The following COL15A1 variants were observed in gnomAD, a reference collection of about 807,000 sequenced individuals.
The protein encoded by COL15A1 is collagen type XV alpha 1 chain.
Under a neutral mutation model 165.9 loss-of-function variants are expected in COL15A1, and 111 were observed. That is an observed-to-expected ratio of 0.67 (90% confidence interval 0.57 to 0.78). COL15A1 has a LOEUF of 0.78. COL15A1 is among the 30% of genes least tolerant of loss of function. COL15A1 has a pLI of 0.00. For synonymous variants in COL15A1, 659 were observed against 674.8 expected (o/e 0.98, Z 0.36); for missense variants, 1,745 against 1,789.7 (o/e 0.98, Z 0.45).
intron 17 of COL15A1, 26 bp from the exon 18 acceptor site, chr9:99,034,988 T>C: frequency 6.2e-7 from 1 of 1,605,348 alleles, no homozygotes; most frequent in South Asian, 1.1e-5. Flanking sequence ...CAGGGCTAGA[T>C]AATCAGCCTG....
At position 99,035,046 on chromosome 9, in the gene COL15A1, C is replaced by A. The variant is rs1463076686; in HGVS notation, c.2112C>A (p.Pro704=). The change falls in exon 18 of 42, where the codon CCC becomes CCA. Residue 704 remains proline, a synonymous_variant. Coordinates refer to ENST00000375001, the MANE Select transcript of COL15A1 (RefSeq NM_001855.5). ...GDPGNRGLPG[P]PGKKGQAGPP... is the part of the protein sequence containing the mutation. ...CTGGCAACAGAGGCTTACCTGGACC[C>A]CCGGGGAAAAAGGGACAAGCTGGCC... The A allele has an allele frequency of 1.2e-6, 2 of 1,613,198 alleles. No homozygotes were observed. Among genetic ancestry groups the A allele is most frequent in the South Asian group, 2.2e-5 (2 of 91,080 alleles).
At chr9:99,053,576 G>A (rs1488702981) in intron 31 of COL15A1, among the ~76,000 whole-genome samples, 4 of 152,230 alleles carry the variant, frequency 2.6e-5, no homozygotes, top group African/African-American at 9.6e-5. Context: ...GTTGGTGCTG[G>A]TGCACTTGCT....
intron 2 of COL15A1, among the ~76,000 whole-genome samples, chr9:98,966,994 G>A (rs554836141): frequency 1.3e-5 from 2 of 152,320 alleles, no homozygotes; most frequent in Non-Finnish European, 2.9e-5. Flanking sequence ...TCATGCACAT[G>A]TGTATTATTT....
chr9:99,021,968 G>A, intron 12 of COL15A1, 123 bp from the exon 13 acceptor site: 3 of 1,341,082 alleles, frequency 2.2e-6, no homozygotes, highest in African/African-American at 1.4e-5. Flanking sequence ...CTCTGCAAAG[G>A]ACAATGCCAT....
At chr9:99,025,462 A>G (rs771365013) in intron 15 of COL15A1, among the ~76,000 whole-genome samples, 2 of 152,208 alleles carry the variant, frequency 1.3e-5, no homozygotes, top group African/African-American at 2.4e-5. Flanking sequence ...CTAAGCTATG[A>G]TGTTCAGTAG....
intron 2 of COL15A1, among the ~76,000 whole-genome samples, chr9:98,972,819 G>A (rs1838082550): frequency 6.6e-6 from 1 of 152,162 alleles, no homozygotes. Context: ...AAGGATGGAG[G>A]GGGACTGAGG....
rs1349148350 is a variant in COL15A1 at position 99,055,360 on chromosome 9, T to G, written c.3180T>G (p.Asn1060Lys). 1 of 1,610,272 alleles carries G rather than the reference T, an allele frequency of 6.2e-7. No homozygotes were observed. Among genetic ancestry groups the G allele is most frequent in the South Asian group, 1.1e-5 (1 of 91,006 alleles). ...CTGGGCCTCCAGGCCTGCCCGGAAA[T>G]CCAGGCCCGGCTGTGAGTAGAGACC... is the stretch of plus-strand genomic sequence containing the variant. The part of the protein sequence containing the change: ...LMSGPPGLPG[N>K]PGPAGQKGET... Residue 1060 changes from asparagine (N) to lysine (K), a missense_variant, in exon 34 of 42, where the codon AAT becomes AAG. Coordinates refer to ENST00000375001, the MANE Select transcript of COL15A1 (RefSeq NM_001855.5).
At chr9:98,975,726 G>C (rs1220642678) in intron 2 of COL15A1, among the ~76,000 whole-genome samples, 2 of 152,230 alleles carry the variant, frequency 1.3e-5, no homozygotes, top group Non-Finnish European at 2.9e-5. Flanking sequence ...TTAGGAGTCT[G>C]AACTAGATTT....
At position 98,983,850 on chromosome 9, in the gene COL15A1, G is replaced by A. The variant is rs112018090; in HGVS notation, c.101-1715G>A. 4.9e-3 allele frequency among the ~76,000 whole-genome samples: 741 copies of A among 152,336 alleles called. 2 individuals are homozygous for A. The highest frequency in any genetic ancestry group is 8.6e-3 in the Non-Finnish European group (582 of 68,032). On this transcript the variant is annotated intron_variant, in intron 2 of 41. Coordinates refer to ENST00000375001, the MANE Select transcript of COL15A1 (RefSeq NM_001855.5). The stretch of plus-strand genomic sequence containing the variant: ...ACACTCAGACTTGGAGTGGTTCAGT[G>A]ACTCACTGGAGTTCACACAGCTACG...
intron 9 of COL15A1, among the ~76,000 whole-genome samples, chr9:99,011,642 TAGAA>T (rs1838849864): frequency 6.6e-6 from 1 of 152,112 alleles, no homozygotes; most frequent in African/African-American, 2.4e-5. Context: ...CACTTTTTTT[TAGAA>T]AGAATGTTTT....
At chr9:99,056,951 T>G (rs1055427324) in intron 35 of COL15A1, among the ~76,000 whole-genome samples, 3 of 152,268 alleles carry the variant, frequency 2.0e-5, no homozygotes, top group African/African-American at 7.2e-5. Context: ...ATTAATCTGT[T>G]CATGGACATT....
chr9:98,986,623 T>C (rs1838318284), intron 3 of COL15A1, among the ~76,000 whole-genome samples: 1 of 152,220 alleles, frequency 6.6e-6, no homozygotes. Context: ...GACTTTACTA[T>C]CAAAATGGGC....
rs74996824 is a variant in COL15A1 at position 99,027,843 on chromosome 9, A to G, written c.2043+1877A>G. Among the ~76,000 whole-genome samples, 441 of 152,366 alleles carry G rather than the reference A, an allele frequency of 2.9e-3. 2 individuals carry two copies. The highest frequency in any genetic ancestry group is 9.7e-3 in the African/African-American group (403 of 41,574). On this transcript the variant is annotated intron_variant, in intron 16 of 41. Coordinates refer to ENST00000375001, the MANE Select transcript of COL15A1 (RefSeq NM_001855.5). ...GGAGAGCTGGCAGGAAACTTTGCAC[A>G]TGATATTTACCTTAAAAACAAAACA... is the stretch of plus-strand genomic sequence containing the variant.
chr9:98,945,450 C>A (rs1381329259), intron 2 of COL15A1, among the ~76,000 whole-genome samples: 1 of 152,132 alleles, frequency 6.6e-6, no homozygotes, highest in Admixed American at 6.5e-5. Flanking sequence ...GACCCCCTCC[C>A]CTTTGAATTT....
chr9:98,985,530 C>A, intron 2 of COL15A1, 35 bp from the exon 3 acceptor site: 1 of 1,581,518 alleles, frequency 6.3e-7, no homozygotes, highest in Non-Finnish European at 8.6e-7. Context: ...GTGGAATATA[C>A]CTGTAAAGCG....
Position 99,049,903 on chromosome 9 carries a change from G to A in COL15A1, c.2904+8G>A, listed in dbSNP as rs772287513. The A allele has an allele frequency of 2.5e-6, 4 of 1,614,212 alleles. No individual in the cohort carries two copies. Among genetic ancestry groups the A allele is most frequent in the Non-Finnish European group, 2.5e-6 (3 of 1,180,024 alleles). ...CCACACTGCAAAATGCCAGTAAGTAGCAATCACTGCCTTAAAGAGCAGGCT... is the reference window on the plus strand; with the variant it reads ...CCACACTGCAAAATGCCAGTAAGTAACAATCACTGCCTTAAAGAGCAGGCT... On this transcript the variant is annotated splice_region_variant and intron_variant, in intron 30 of 41. Coordinates refer to ENST00000375001, the MANE Select transcript of COL15A1 (RefSeq NM_001855.5).
At chr9:98,961,961 C>A (rs972870390) in intron 2 of COL15A1, among the ~76,000 whole-genome samples, 3 of 152,226 alleles carry the variant, frequency 2.0e-5, no homozygotes, top group Admixed American at 1.3e-4. Context: ...CAGGGCCTCC[C>A]AGGCCACGAC....
rs1157590005 is a variant in COL15A1, at chr9:99,069,798, A to G, written c.4079A>G (p.Lys1360Arg). Reference sequence around the variant, plus strand: ...CTTGCCTCCCCGCTGAGCACGGGGAAGATTCTGGACCAGAAAGCATACAGC... The same window carrying G: ...CTTGCCTCCCCGCTGAGCACGGGGAGGATTCTGGACCAGAAAGCATACAGC... ...TGLASPLSTG[K>R]ILDQKAYSCA... Residue 1360 changes from lysine (K) to arginine (R), a missense_variant, in exon 42 of 42, where the codon AAG (lysine) becomes AGG (arginine). Coordinates refer to ENST00000375001, the MANE Select transcript of COL15A1 (RefSeq NM_001855.5). 1.9e-6 allele frequency: 3 copies of G among 1,614,112 alleles called. No individual in the cohort carries two copies. In the African/African-American group the frequency reaches 4.0e-5, roughly 22 times the overall value.
At chr9:99,026,464 G>A (rs1839127490) in intron 16 of COL15A1, among the ~76,000 whole-genome samples, 1 of 152,126 alleles carries the variant, frequency 6.6e-6, no homozygotes, top group Non-Finnish European at 1.5e-5. Flanking sequence ...CCCTGCCCTG[G>A]CTACTGAGAA....
Sources: allele counts gnomAD v4.1 joint callset (sites outside exome capture counted in the v4.1 genomes callset), GRCh38; gene constraint gnomAD v4.1.1; transcripts MANE v1.5; gene names NCBI Gene and HGNC (gene_info 2026-07-23, HGNC 2026-07-21).